The following BUB1B variants were observed in gnomAD, a reference collection of about 807,000 sequenced individuals.
BUB1B encodes BUB1 mitotic checkpoint serine/threonine kinase B, also known as mitotic checkpoint serine/threonine-protein kinase BUB1 beta.
A neutral mutation model predicts 137.7 loss-of-function variants in BUB1B; 86 were observed. The observed-to-expected ratio is 0.62, with a 90% CI of 0.52 to 0.75. The LOEUF (loss-of-function observed/expected upper bound fraction) is 0.75. Ranked by LOEUF, BUB1B falls within the 30% of genes least tolerant of loss-of-function variation. The pLI, the probability that BUB1B is intolerant of heterozygous loss-of-function variation, is 0.00. For synonymous variants in BUB1B, 420 were observed against 417.9 expected, an observed-to-expected ratio of 1.00 and a Z score of -0.06; for missense variants, 1,130 against 1,236.9, an observed-to-expected ratio of 0.91 and a Z score of 1.30.
intron 2 of BUB1B, among the ~76,000 whole-genome samples, chr15:40,167,289 CCCAAAGTGA>C (rs2037110906): frequency 6.6e-6 from 1 of 150,394 alleles, no homozygotes; most frequent in Admixed American, 6.6e-5. Context: ...TTTTGCCTAC[CCCAAAGTGA>C]CAAAGTTACT....
chr15:40,208,653 A>T lies in BUB1B; in HGVS notation c.2026A>T (p.Ser676Cys). ...TTCTTTTAGCCCAATTATTGAAGAC[A>T]GTCGTGAAGCCACACACTCCTCTGG... ...IKKLSPIIED[S>C]REATHSSGFS... The change falls in exon 16 of 23, where the codon AGT (serine) becomes TGT (cysteine). Residue 676 changes from serine to cysteine, a missense_variant. By Grantham distance (112) the Ser-to-Cys change is moderately radical (BLOSUM62 -1). Coordinates refer to ENST00000287598, the MANE Select transcript of BUB1B (RefSeq NM_001211.6). The T allele has an allele frequency of 6.2e-7, 1 of 1,613,830 alleles. No individual in the cohort carries two copies. The highest frequency in any genetic ancestry group is 8.5e-7 in the Non-Finnish European group (1 of 1,179,762).
intron 22 of BUB1B, among the ~76,000 whole-genome samples, chr15:40,220,135 GTAGT>G (rs1331578132): frequency 6.6e-6 from 1 of 152,180 alleles, no homozygotes; most frequent in Admixed American, 6.5e-5. Flanking sequence ...ATATTAAGCA[GTAGT>G]TAGTTTAGTC....
At chr15:40,186,645 C>T (rs550433105) in intron 8 of BUB1B, among the ~76,000 whole-genome samples, 3 of 151,164 alleles carry the variant, frequency 2.0e-5, no homozygotes, top group South Asian at 2.1e-4. Flanking sequence ...CGGGGTTTCA[C>T]CGTGTTAGCC....
intron 4 of BUB1B, among the ~76,000 whole-genome samples, chr15:40,173,256 C>A (rs944020264): frequency 7.5e-5 from 11 of 147,350 alleles, no homozygotes; most frequent in African/African-American, 2.8e-4. Context: ...TGTACTCCAG[C>A]CTGGGCGACA....
intron 8 of BUB1B, 77 bp downstream of exon 8, chr15:40,185,719 C>T: frequency 1.5e-6 from 2 of 1,372,672 alleles, no homozygotes; most frequent in Non-Finnish European, 2.1e-6. Context: ...TTCCCAAAGG[C>T]AGTTTCTTCT....
At chr15:40,189,246 G>A (rs528431239) in intron 8 of BUB1B, among the ~76,000 whole-genome samples, 1 of 151,932 alleles carries the variant, frequency 6.6e-6, no homozygotes, top group Non-Finnish European at 1.5e-5. Flanking sequence ...TGCAACCTTC[G>A]CCTCTCCAGT....
At chr15:40,203,186 T>G (rs1595529952) in intron 14 of BUB1B, among the ~76,000 whole-genome samples, 1 of 152,188 alleles carries the variant, frequency 6.6e-6, no homozygotes, top group East Asian at 1.9e-4. Flanking sequence ...AAACAAAATG[T>G]TATGTATCCA....
chr15:40,177,791 G>A (rs960608415), intron 5 of BUB1B, among the ~76,000 whole-genome samples: 18 of 149,160 alleles, frequency 1.2e-4, no homozygotes, highest in Non-Finnish European at 2.4e-4. Context: ...ATTTATTTAG[G>A]CTTTTTTTTT....
chr15:40,182,827 T>A lies in BUB1B; in HGVS notation c.582-887T>A, dbSNP rs184943885. Among the ~76,000 whole-genome samples the A allele has an allele frequency of 2.4e-3, 360 of 152,290 alleles. 2 individuals are homozygous for A. The highest frequency in any genetic ancestry group is 4.0e-3 in the Non-Finnish European group (269 of 68,022). ...CATTCACATACCACCACTGCAACAG[T>A]TCAAAACCACAAGAGAAAATAGAAG... On this transcript the variant is annotated intron_variant, in intron 5 of 22. Transcript: ENST00000287598.
intron 2 of BUB1B, among the ~76,000 whole-genome samples, chr15:40,167,376 G>A (rs2037112696): frequency 7.9e-6 from 1 of 126,618 alleles, no homozygotes; most frequent in Non-Finnish European, 1.6e-5. Flanking sequence ...TTGAGACGGA[G>A]TGTTGCTCTT....
At chr15:40,199,861 A>G in intron 10 of BUB1B, 134 bp downstream of exon 10, 1 of 735,484 alleles carries the variant, frequency 1.4e-6, no homozygotes, top group Admixed American at 2.4e-5. Flanking sequence ...TAGTAGCCGG[A>G]AAGTTGAGCG....
Position 40,218,552 on chromosome 15 carries a change from A to G in BUB1B, c.2947A>G (p.Asn983Asp). ...WDGSFWKLSQ[N>D]ISELKDGELW... ...TGGGTCCTTCTGGAAACTTAGCCAA[A>G]ATATTTCTGAGTAAGTATTGATGAA... Residue 983 changes from asparagine to aspartate, a missense_variant, in exon 22 of 23, where the codon AAT (asparagine) becomes GAT (aspartate). Coordinates refer to ENST00000287598, the MANE Select transcript of BUB1B (RefSeq NM_001211.6). 6.2e-7 allele frequency: 1 copy of G among 1,608,314 alleles called. No individual in the cohort carries two copies. Among genetic ancestry groups the G allele is most frequent in the South Asian group, 1.1e-5 (1 of 90,930 alleles).
At chr15:40,207,694 T>C (rs1388313528) in intron 15 of BUB1B, among the ~76,000 whole-genome samples, 2 of 151,878 alleles carry the variant, frequency 1.3e-5, no homozygotes, top group Non-Finnish European at 2.9e-5. Context: ...ATTCACCAGG[T>C]TTAGAGGAGG....
At chr15:40,201,072 T>C in intron 12 of BUB1B, 92 bp downstream of exon 12, 3 of 1,230,984 alleles carry the variant, frequency 2.4e-6, no homozygotes, top group Admixed American at 1.8e-5. Flanking sequence ...GATAAAGGGA[T>C]TGAAAGACAG....
At chr15:40,163,343 G>A (rs937391419) in intron 1 of BUB1B, among the ~76,000 whole-genome samples, 1 of 152,214 alleles carries the variant, frequency 6.6e-6, no homozygotes, top group Non-Finnish European at 1.5e-5. Flanking sequence ...GGAGGCTGAG[G>A]CAACAGGATT....
chr15:40,206,513 A>C (rs149401771), intron 15 of BUB1B, 55 bp downstream of exon 15: 117 of 1,606,096 alleles, frequency 7.3e-5, no homozygotes, highest in Admixed American at 1.8e-4. Flanking sequence ...CTTATTCTGC[A>C]TGTGCTTGTC....
At chr15:40,220,462 C>T (rs1473219102) in intron 22 of BUB1B, 102 bp from the exon 23 acceptor site, 3 of 1,217,848 alleles carry the variant, frequency 2.5e-6, no homozygotes, top group African/African-American at 1.5e-5. Context: ...TAGGTATTAC[C>T]TTACACCATT....
chr15:40,181,854 C>T (rs1277213633), intron 5 of BUB1B, among the ~76,000 whole-genome samples: 1 of 152,082 alleles, frequency 6.6e-6, no homozygotes, highest in Non-Finnish European at 1.5e-5. Context: ...TCTGTCTCTC[C>T]ATTCATTTCA....
At position 40,202,663 on chromosome 15, in the gene BUB1B, C is replaced by T; in HGVS notation, c.1703C>T (p.Thr568Ile). 6.2e-7 allele frequency: 1 copy of T among 1,613,918 alleles called. No homozygotes were observed. ...LAVLKTSESI[T>I]SNEDVSPDVC... is the part of the protein sequence containing the mutation. The stretch of plus-strand genomic sequence containing the variant: ...GTTCTCAAAACCTCAGAAAGCATCA[C>T]CTCAAATGAAGATGTGTCTCCAGAT... The change falls in exon 14 of 23, where the codon ACC becomes ATC. Residue 568 changes from threonine (T) to isoleucine (I), a missense_variant. Physicochemically the swap from Thr to Ile is moderately conservative, Grantham distance 89. Transcript: ENST00000287598.
Sources: allele counts gnomAD v4.1 joint callset (sites outside exome capture counted in the v4.1 genomes callset), GRCh38; gene constraint gnomAD v4.1.1; transcripts MANE v1.5; gene names NCBI Gene and HGNC (gene_info 2026-07-23, HGNC 2026-07-21).